Variants in MTHFD1L observed in about 807,000 individuals in gnomAD.
MTHFD1L encodes monofunctional C1-tetrahydrofolate synthase, mitochondrial.
In MTHFD1L, 81 loss-of-function variants were observed where a neutral mutation model predicts 119.5. That is an observed-to-expected ratio of 0.68 (90% CI 0.57 to 0.82). The LOEUF is 0.82. MTHFD1L is among the 40% of genes least tolerant of loss of function. The pLI is 0.00. For synonymous variants in MTHFD1L, 430 were observed against 475.2 expected, an observed-to-expected ratio of 0.90 and a Z score of 1.24; for missense variants, 1,125 against 1,253.4, an observed-to-expected ratio of 0.90 and a Z score of 1.55.
chr6:150,988,316 G>C (rs1778586355), intron 20 of MTHFD1L, among the ~76,000 whole-genome samples: 1 of 152,134 alleles, frequency 6.6e-6, no homozygotes, highest in Admixed American at 6.5e-5. Context: ...TCTTAGCCAA[G>C]AGCATTCAGC....
chr6:151,045,066 G>T (rs1249699949), intron 26 of MTHFD1L, among the ~76,000 whole-genome samples: 2 of 152,098 alleles, frequency 1.3e-5, no homozygotes, highest in South Asian at 2.1e-4. Context: ...GAACTCAGTG[G>T]GGAGGTGTTT....
At position 150,946,339 on chromosome 6, in the gene MTHFD1L, G is replaced by A. The variant is rs1793935502; in HGVS notation, c.1623+798G>A. 3.9e-5 allele frequency among the ~76,000 whole-genome samples: 6 copies of A among 152,280 alleles called. No individual in the cohort carries two copies. In the South Asian group the frequency reaches 1.2e-3, roughly 32 times the overall value. ...TAATTTTTGTATTTTCAGTACAGATGGGATTTCACCATGTTGGCCAGGCTG... is the reference window on the plus strand; with the variant it reads ...TAATTTTTGTATTTTCAGTACAGATAGGATTTCACCATGTTGGCCAGGCTG... On this transcript the variant is annotated intron_variant, in intron 15 of 27. Coordinates refer to ENST00000367321, the MANE Select transcript of MTHFD1L (RefSeq NM_015440.5).
chr6:151,007,387 TCCC>T (rs1562528211), intron 20 of MTHFD1L, among the ~76,000 whole-genome samples: 5 of 151,428 alleles, frequency 3.3e-5, no homozygotes, highest in African/African-American at 1.2e-4. Context: ...GAGCAGGAAT[TCCC>T]ACAAATGCTT....
chr6:150,952,603 C>T (rs868744295), intron 16 of MTHFD1L, among the ~76,000 whole-genome samples: 65 of 151,998 alleles, frequency 4.3e-4, no homozygotes, highest in African/African-American at 1.4e-3. Flanking sequence ...GATCTCGGCT[C>T]ACCGCAACCT....
intron 26 of MTHFD1L, among the ~76,000 whole-genome samples, chr6:151,081,379 G>A (rs1335821639): frequency 6.6e-6 from 1 of 152,026 alleles, no homozygotes; most frequent in Admixed American, 6.6e-5. Flanking sequence ...TGGGCTGGGC[G>A]CAGTGGCTCA....
rs1188202959 is a variant in MTHFD1L at position 151,039,111 on chromosome 6, C to G, written c.2847+1994C>G. Among the ~76,000 whole-genome samples the G allele has an allele frequency of 6.6e-6, 1 of 152,070 alleles. No individual in the cohort carries two copies. Among genetic ancestry groups the G allele is most frequent in the African/African-American group, 2.4e-5 (1 of 41,388 alleles). ...GTGAGAAGACAGTGAAGGAAGACAC[C>G]CCTGAAACACCCACGTTAATGCAGC... On this transcript the variant is annotated intron_variant, in intron 26 of 27. Transcript: ENST00000367321. This position sits in a 1 kb window ranked among gnomAD's most constrained non-coding sequence, Gnocchi z 4.4.
chr6:150,972,472 T>C lies in MTHFD1L; in HGVS notation c.2125+414T>C, dbSNP rs374095321. ...TTGAGAACCTACCACTTAGAAGGCATGTTAGCTAGGGATCCAGTGGTAAGC... is the reference window on the plus strand; with the variant it reads ...TTGAGAACCTACCACTTAGAAGGCACGTTAGCTAGGGATCCAGTGGTAAGC... On this transcript the variant is annotated intron_variant, in intron 20 of 27. Coordinates refer to ENST00000367321, the MANE Select transcript of MTHFD1L (RefSeq NM_015440.5). 7.9e-5 allele frequency among the ~76,000 whole-genome samples: 12 copies of C among 152,212 alleles called. No individual in the cohort carries two copies. The East Asian group carries it at 1.9e-3, about 24-fold the overall frequency.
intron 26 of MTHFD1L, chr6:151,057,176 C>T (rs1790074844): frequency 1.0e-6 from 1 of 984,732 alleles, no homozygotes; most frequent in African/African-American, 1.7e-5. Flanking sequence ...CTTGACTCTG[C>T]TCCATTATGT....
Position 151,009,822 on chromosome 6 carries a change from C to G in MTHFD1L, c.2129C>G (p.Thr710Ser). 6.2e-7 allele frequency: 1 copy of G among 1,613,704 alleles called. No individual in the cohort carries two copies. Among genetic ancestry groups the G allele is most frequent in the Non-Finnish European group, 8.5e-7 (1 of 1,179,852 alleles). Residue 710 changes from threonine (T) to serine (S), a missense_variant, in exon 21 of 28, where the codon ACC (threonine) becomes AGC (serine). Physicochemically the swap from Thr to Ser is moderately conservative, Grantham distance 58. Coordinates refer to ENST00000367321, the MANE Select transcript of MTHFD1L (RefSeq NM_015440.5). Reference sequence around the variant, plus strand: ...TATTCCACTTGCTTCCCCACAGTGACCGAAGCTGGCTTTGGTGCTGACATC... The same window carrying G: ...TATTCCACTTGCTTCCCCACAGTGAGCGAAGCTGGCTTTGGTGCTGACATC... ...KLVGEEGFVVTEAGFGADIGM... is the reference protein window; with the variant it reads ...KLVGEEGFVVSEAGFGADIGM...
At chr6:151,035,497 TAGTC>T (rs1255634055) in intron 25 of MTHFD1L, among the ~76,000 whole-genome samples, 2 of 152,190 alleles carry the variant, frequency 1.3e-5, no homozygotes, top group Admixed American at 6.5e-5. Context: ...TTTGGTAAAA[TAGTC>T]AGCAACTCAG....
At chr6:151,081,727 A>T (rs1160815569) in intron 26 of MTHFD1L, among the ~76,000 whole-genome samples, 1 of 152,180 alleles carries the variant, frequency 6.6e-6, no homozygotes, top group African/African-American at 2.4e-5. Context: ...ATCTCTGGGC[A>T]GGAGCTTTCC....
At chr6:150,952,460 C>T (rs1794997146) in intron 16 of MTHFD1L, among the ~76,000 whole-genome samples, 1 of 152,194 alleles carries the variant, frequency 6.6e-6, no homozygotes, top group South Asian at 2.1e-4. Flanking sequence ...AGACCCTCTT[C>T]TCAGGCCATA....
At chr6:150,948,718 G>A (rs911763992) in intron 15 of MTHFD1L, among the ~76,000 whole-genome samples, 9 of 151,120 alleles carry the variant, frequency 6.0e-5, no homozygotes, top group African/African-American at 1.5e-4. Flanking sequence ...TTGGCTCACC[G>A]CAACCTCCGC....
intron 26 of MTHFD1L, among the ~76,000 whole-genome samples, chr6:151,079,723 A>G (rs917818131): frequency 6.6e-6 from 1 of 151,574 alleles, no homozygotes; most frequent in Non-Finnish European, 1.5e-5. Flanking sequence ...TCCCGACCTC[A>G]TGTGATCTGC....
At chr6:151,046,015 C>T (rs1787953559) in intron 26 of MTHFD1L, among the ~76,000 whole-genome samples, 1 of 152,090 alleles carries the variant, frequency 6.6e-6, no homozygotes, top group Non-Finnish European at 1.5e-5. Flanking sequence ...AAGAAGAAAG[C>T]TTTGTGACTC....
chr6:151,060,427 C>T (rs1280744331), intron 26 of MTHFD1L, among the ~76,000 whole-genome samples: 1 of 152,202 alleles, frequency 6.6e-6, no homozygotes, highest in Non-Finnish European at 1.5e-5. Context: ...CTGGACCTTG[C>T]ACTTGCAGAG....
rs1213507065 is a variant in MTHFD1L, at chr6:151,041,027, CA to C, written c.2847+3911del. Among the ~76,000 whole-genome samples the C allele has an allele frequency of 3.3e-4, 50 of 152,334 alleles. No individual in the cohort carries two copies. The Middle Eastern group carries it at 0.01, about 31-fold the overall frequency. On this transcript the variant is annotated intron_variant, in intron 26 of 27. Coordinates refer to ENST00000367321, the MANE Select transcript of MTHFD1L (RefSeq NM_015440.5). ...GTCATTATCTGGTCTTCTCAGCCCT[CA>C]GCCGAGTTCCTCCTGTGGCCACACA...
intron 26 of MTHFD1L, among the ~76,000 whole-genome samples, chr6:151,073,655 C>G (rs1792179383): frequency 6.7e-6 from 1 of 150,288 alleles, no homozygotes; most frequent in Non-Finnish European, 1.5e-5. Context: ...ATAAATCAAA[C>G]TGAAGAGATG....
chr6:150,875,970 G>C (rs2073068), intron 1 of MTHFD1L, 120 bp from the exon 2 acceptor site: 1 of 771,158 alleles, frequency 1.3e-6, no homozygotes. Context: ...CTTGGAGTGC[G>C]TCCTTCTGTG....
Sources: gnomAD v4.1 joint callset for allele counts (sites outside exome capture counted in the v4.1 genomes callset) on GRCh38, gnomAD v4.1.1 for gene constraint, Gnocchi (gnomAD v3.1) non-coding constraint, MANE v1.5 for transcripts, NCBI Gene and HGNC (gene_info 2026-07-23, HGNC 2026-07-21) for gene names.